Variants in DNAH6 observed in about 807,000 individuals in gnomAD.
DNAH6 encodes dynein axonemal heavy chain 6.
DNAH6 carries 340 observed loss-of-function variants against 491.4 expected under a neutral mutation model. The ratio of observed to expected loss-of-function variants is 0.69; its 90% CI spans 0.63 to 0.76. The LOEUF (loss-of-function observed/expected upper bound fraction) is 0.76, where lower values mean the gene tolerates loss of function less well. Among genes scored for constraint, DNAH6 ranks in the 30% least tolerant of loss-of-function variants. The probability of loss-of-function intolerance (pLI) is 0.00; values close to 1 mark genes in which losing one functional copy is unlikely to be tolerated. For synonymous variants in DNAH6, 1,603 were observed against 1,686.1 expected, an observed-to-expected ratio of 0.95 and a Z score of 1.21; for missense variants, 4,443 against 4,972.2, an observed-to-expected ratio of 0.89 and a Z score of 3.20.
the DNAH6 span, among the ~76,000 whole-genome samples, chr2:84,493,088 A>G: frequency 6.6e-6 from 1 of 152,192 alleles, no homozygotes; most frequent in Admixed American, 6.5e-5. Context: ...CCAGATAGTA[A>G]ATATTTTTAT....
At chr2:84,528,037 A>G (rs1676768296) in intron 3 of DNAH6, among the ~76,000 whole-genome samples, 1 of 152,156 alleles carries the variant, frequency 6.6e-6, no homozygotes, top group Admixed American at 6.5e-5. Context: ...AAACACAGTG[A>G]TTAACCTCCT....
intron 4 of DNAH6, among the ~76,000 whole-genome samples, chr2:84,543,539 A>G (rs1678468993): frequency 6.6e-6 from 1 of 152,236 alleles, no homozygotes; most frequent in Admixed American, 6.5e-5. Flanking sequence ...TACAGAGAAT[A>G]TCGTTTTGCT....
At position 84,528,903 on chromosome 2, in the gene DNAH6, G is replaced by C. The variant is rs777962550; in HGVS notation, c.400-1G>C. On this transcript the variant is annotated splice_acceptor_variant, in intron 3 of 76. Coordinates refer to ENST00000389394, the MANE Select transcript of DNAH6 (RefSeq NM_001370.2). LOFTEE classifies it high-confidence loss of function. ...TTTTTTCAAAAATTGGCTTTGTTTAGATTCATCGGCCCTATGTTGAGGTGT... is the reference window on the plus strand; with the variant it reads ...TTTTTTCAAAAATTGGCTTTGTTTACATTCATCGGCCCTATGTTGAGGTGT... 59 of 1,527,740 alleles carry C rather than the reference G, an allele frequency of 3.9e-5. No individual in the cohort carries two copies. The highest frequency in any genetic ancestry group is 5.0e-5 in the Non-Finnish European group (57 of 1,136,900). The allele number at this position is 1,527,740 out of a possible 1,614,324, so 94.6% of individuals were successfully genotyped here. A position where few individuals can be genotyped will look rare whatever the true frequency, so the allele number is the denominator to read the frequency against.
chr2:84,471,724 A>G, the DNAH6 span, among the ~76,000 whole-genome samples: 1 of 152,192 alleles, frequency 6.6e-6, no homozygotes, highest in Non-Finnish European at 1.5e-5. Context: ...CATCTCCTGC[A>G]AAAACACAAG....
At chr2:84,782,109 C>T (rs189705552) in intron 65 of DNAH6, among the ~76,000 whole-genome samples, 5 of 152,246 alleles carry the variant, frequency 3.3e-5, no homozygotes, top group Admixed American at 2.6e-4. Context: ...GCCTCAGAGC[C>T]ACACCTAACC....
intron 62 of DNAH6, among the ~76,000 whole-genome samples, chr2:84,737,562 G>T (rs577165853): frequency 6.6e-6 from 1 of 152,028 alleles, no homozygotes; most frequent in East Asian, 1.9e-4. Context: ...TTGGGAGGTT[G>T]TGTGTTTCCA....
intron 64 of DNAH6, among the ~76,000 whole-genome samples, chr2:84,776,871 T>G (rs1202601889): frequency 6.6e-6 from 1 of 152,196 alleles, no homozygotes; most frequent in Non-Finnish European, 1.5e-5. Flanking sequence ...TAGACTGGAT[T>G]AAGAAAATGT....
intron 59 of DNAH6, among the ~76,000 whole-genome samples, chr2:84,719,772 C>T (rs1192342): frequency 0.12 from 17,795 of 152,032 alleles, 1,381 homozygotes; most frequent in African/African-American, 0.21. Flanking sequence ...AATCCTCCTG[C>T]CTTGGCCTCC....
intron 2 of DNAH6, 33 bp from the exon 3 acceptor site, chr2:84,525,532 A>C (rs1407816217): frequency 6.6e-7 from 1 of 1,521,096 alleles, no homozygotes; most frequent in African/African-American, 1.4e-5. Context: ...ACGAATGTTA[A>C]TAAAAATTAA....
chr2:84,774,014 T>C (rs1409352957), intron 64 of DNAH6, among the ~76,000 whole-genome samples: 1 of 152,080 alleles, frequency 6.6e-6, no homozygotes, highest in African/African-American at 2.4e-5. Flanking sequence ...ATTCTGTAGG[T>C]TGTGTTTACC....
At chr2:84,683,375 A>G (rs1242058844) in intron 42 of DNAH6, among the ~76,000 whole-genome samples, 1 of 133,124 alleles carries the variant, frequency 7.5e-6, no homozygotes, top group African/African-American at 2.9e-5. Context: ...TCGTTCCCTG[A>G]CTCCCCATCC....
chr2:84,615,081 T>C (rs7604921), intron 22 of DNAH6, among the ~76,000 whole-genome samples: 2,169 of 152,198 alleles, frequency 0.014, 53 homozygotes, highest in African/African-American at 0.05. Flanking sequence ...TGGTCGCATT[T>C]GCCTTTGGGT....
At chr2:84,509,091 G>T in the DNAH6 span, among the ~76,000 whole-genome samples, 14 of 152,216 alleles carry the variant, frequency 9.2e-5, no homozygotes, top group East Asian at 2.3e-3. Flanking sequence ...GGTCCACTTG[G>T]TGCAGAGCTG....
intron 70 of DNAH6, among the ~76,000 whole-genome samples, chr2:84,799,775 T>C (rs1192393): frequency 0.25 from 37,959 of 152,148 alleles, 5,323 homozygotes; most frequent in African/African-American, 0.4. Context: ...GGGGGTGTGA[T>C]GCCAGCCACT....
chr2:84,538,692 T>C (rs1398687885), intron 4 of DNAH6, among the ~76,000 whole-genome samples: 2 of 152,126 alleles, frequency 1.3e-5, no homozygotes, highest in African/African-American at 4.8e-5. Flanking sequence ...GGATTCCAAT[T>C]AGAATCTTTG....
the DNAH6 span, among the ~76,000 whole-genome samples, chr2:84,468,619 C>T: frequency 3.7e-4 from 57 of 152,206 alleles, no homozygotes; most frequent in African/African-American, 1.1e-3. Context: ...GACAAGGTCA[C>T]GCATATATTA....
At chr2:84,467,737 C>G in the DNAH6 span, among the ~76,000 whole-genome samples, 1 of 152,166 alleles carries the variant, frequency 6.6e-6, no homozygotes, top group Non-Finnish European at 1.5e-5. Context: ...TACTTTAGGA[C>G]AAGAATTTAA....
chr2:84,730,648 G>A (rs1406934321), intron 61 of DNAH6, among the ~76,000 whole-genome samples: 2 of 152,204 alleles, frequency 1.3e-5, no homozygotes, highest in Non-Finnish European at 2.9e-5. Context: ...GCTGCATGTG[G>A]CCTGTGGGCC....
chr2:84,707,657 T>A lies in DNAH6; in HGVS notation c.8989T>A (p.Phe2997Ile), dbSNP rs1034926014. 1 of 1,552,322 alleles carries A rather than the reference T, an allele frequency of 6.4e-7. No individual in the cohort carries two copies. The highest frequency in any genetic ancestry group is 2.0e-5 in the Admixed American group (1 of 51,016). Residue 2997 changes from phenylalanine (F) to isoleucine (I), a missense_variant, in exon 54 of 77, where the codon TTC (phenylalanine) becomes ATC (isoleucine). Around this residue, in one of 3 missense-constraint regions of DNAH6, gnomAD observed 1,463 missense variants for 1,656.6 expected, o/e 0.88. Transcript: ENST00000389394. ...EEISNITGNV[F>I]IAAACVAYYG... ...AATATCAAATATCACTGGGAACGTGTTCATAGCAGCAGCTTGTGTGGCCTA... is the reference window on the plus strand; with the variant it reads ...AATATCAAATATCACTGGGAACGTGATCATAGCAGCAGCTTGTGTGGCCTA...
Sources: gnomAD v4.1 joint callset for allele counts (sites outside exome capture counted in the v4.1 genomes callset) on GRCh38, gnomAD v4.1.1 for gene constraint, gnomAD v4.1.1 regional missense constraint, MANE v1.5 for transcripts, NCBI Gene and HGNC (gene_info 2026-07-23, HGNC 2026-07-21) for gene names.